SLC9A9: variants seen among roughly 807,000 people sequenced by gnomAD.
SLC9A9 encodes sodium/hydrogen exchanger 9.
A neutral mutation model predicts 77.8 loss-of-function variants in SLC9A9; 62 were observed. That is an observed-to-expected ratio of 0.80 (90% CI 0.65 to 0.98). SLC9A9 has a LOEUF of 0.98. Among genes scored for constraint, SLC9A9 ranks in the 50% least tolerant of loss-of-function variants. The pLI is 0.00. For synonymous variants in SLC9A9, 320 were observed against 283.5 expected (o/e 1.13, Z -1.29); for missense variants, 775 against 774.9 (o/e 1.00, Z 0.00).
At chr3:143,395,656 C>T (rs954108717) in intron 12 of SLC9A9, among the ~76,000 whole-genome samples, 12 of 152,158 alleles carry the variant, frequency 7.9e-5, no homozygotes, top group African/African-American at 2.9e-4. Context: ...TCAGAGTGAA[C>T]AGGCAACCTA....
At chr3:143,799,856 A>G (rs2008500942) in intron 2 of SLC9A9, among the ~76,000 whole-genome samples, 1 of 152,094 alleles carries the variant, frequency 6.6e-6, no homozygotes, top group Non-Finnish European at 1.5e-5. Context: ...ACCATTTTTA[A>G]TCAATACAGA....
At chr3:143,789,819 C>T (rs912330203) in intron 4 of SLC9A9, among the ~76,000 whole-genome samples, 1 of 152,106 alleles carries the variant, frequency 6.6e-6, no homozygotes, top group African/African-American at 2.4e-5. Context: ...CAGTCCTATG[C>T]TGTGTATATT....
chr3:143,740,491 G>A (rs1287736986), intron 4 of SLC9A9, among the ~76,000 whole-genome samples: 2 of 152,076 alleles, frequency 1.3e-5, no homozygotes, highest in Admixed American at 6.6e-5. Context: ...TAATGTTTTT[G>A]AAATCATAGT....
At position 143,693,326 on chromosome 3, in the gene SLC9A9, T is replaced by C. The variant is rs749502793; in HGVS notation, c.534-19A>G. 4 of 1,578,750 alleles carry C rather than the reference T, an allele frequency of 2.5e-6. No individual in the cohort carries two copies. Among genetic ancestry groups the C allele is most frequent in the Non-Finnish European group, 3.5e-6 (4 of 1,148,314 alleles). On this transcript the variant is annotated intron_variant, in intron 4 of 15. Coordinates refer to ENST00000316549, the MANE Select transcript of SLC9A9 (RefSeq NM_173653.4). ...AATTAACCTGTTGAAGAGAAAAACATGACCTTCAAACATCAAGATGAACCC... is the reference window on the plus strand; with the variant it reads ...AATTAACCTGTTGAAGAGAAAAACACGACCTTCAAACATCAAGATGAACCC...
At chr3:143,757,635 C>A in intron 4 of SLC9A9, among the ~76,000 whole-genome samples, 1 of 152,138 alleles carries the variant, frequency 6.6e-6, no homozygotes, top group East Asian at 1.9e-4. Context: ...AATGTCGCCT[C>A]TTCCAACATC....
intron 4 of SLC9A9, among the ~76,000 whole-genome samples, chr3:143,773,094 C>T (rs192291086): frequency 5.3e-5 from 8 of 152,286 alleles, no homozygotes; most frequent in East Asian, 3.9e-4. Flanking sequence ...TTACTGGTCC[C>T]ATTAGATCAA....
chr3:143,686,099 G>A (rs967488864), intron 5 of SLC9A9, among the ~76,000 whole-genome samples: 3 of 152,128 alleles, frequency 2.0e-5, no homozygotes, highest in African/African-American at 4.8e-5. Flanking sequence ...CACCTCATCC[G>A]CGAGGGTGAC....
At chr3:143,775,319 G>A (rs1185234103) in intron 4 of SLC9A9, among the ~76,000 whole-genome samples, 1 of 152,150 alleles carries the variant, frequency 6.6e-6, no homozygotes, top group Non-Finnish European at 1.5e-5. Context: ...TGGGACACTG[G>A]AGAACTGAAT....
intron 4 of SLC9A9, among the ~76,000 whole-genome samples, chr3:143,715,119 C>CT (rs946661345): frequency 5.9e-5 from 9 of 152,116 alleles, no homozygotes; most frequent in Non-Finnish European, 8.8e-5. Flanking sequence ...CATTAAACCT[C>CT]TTTCTTTTTT....
intron 8 of SLC9A9, among the ~76,000 whole-genome samples, chr3:143,560,430 CT>C (rs990836738): frequency 1.3e-5 from 2 of 151,512 alleles, no homozygotes; most frequent in Non-Finnish European, 2.9e-5. Context: ...TTTTGTTACC[CT>C]TTTTTTTGGC....
At chr3:143,505,636 C>T (rs1364569604) in intron 9 of SLC9A9, among the ~76,000 whole-genome samples, 1 of 152,134 alleles carries the variant, frequency 6.6e-6, no homozygotes, top group Non-Finnish European at 1.5e-5. Flanking sequence ...TCTCCTGTCT[C>T]GTATATTTCA....
chr3:143,400,558 G>A (rs1028719544), intron 12 of SLC9A9, among the ~76,000 whole-genome samples: 1 of 151,920 alleles, frequency 6.6e-6, no homozygotes, highest in Admixed American at 6.6e-5. Context: ...GTGGGTGAGG[G>A]ATAAAGACTC....
At chr3:143,273,582 C>T (rs1028310693) in intron 14 of SLC9A9, among the ~76,000 whole-genome samples, 1 of 152,170 alleles carries the variant, frequency 6.6e-6, no homozygotes, top group Non-Finnish European at 1.5e-5. Context: ...TTAAACCACC[C>T]AAGCTATGGT....
At chr3:143,616,504 A>G (rs925309930) in intron 6 of SLC9A9, among the ~76,000 whole-genome samples, 4 of 152,166 alleles carry the variant, frequency 2.6e-5, no homozygotes, top group African/African-American at 7.2e-5. Context: ...TCACTGGATT[A>G]TGGCATTAAA....
At chr3:143,388,172 T>C (rs1559893501) in intron 12 of SLC9A9, among the ~76,000 whole-genome samples, 1 of 152,174 alleles carries the variant, frequency 6.6e-6, no homozygotes, top group Non-Finnish European at 1.5e-5. Flanking sequence ...TTGGGGACTA[T>C]TGTGTAGCCA....
intron 5 of SLC9A9, among the ~76,000 whole-genome samples, chr3:143,674,565 T>C (rs1489415221): frequency 2.0e-5 from 3 of 152,032 alleles, no homozygotes; most frequent in Admixed American, 1.3e-4. Context: ...CTAGCCGTGA[T>C]TTTAGGTAGT....
intron 11 of SLC9A9, among the ~76,000 whole-genome samples, chr3:143,467,583 A>T (rs1333555418): frequency 6.6e-6 from 1 of 151,586 alleles, no homozygotes; most frequent in Admixed American, 6.6e-5. Context: ...GTCTCTACAG[A>T]TTTTTTTTTA....
intron 6 of SLC9A9, among the ~76,000 whole-genome samples, chr3:143,643,108 G>A (rs1435094490): frequency 1.3e-5 from 2 of 151,980 alleles, no homozygotes; most frequent in Non-Finnish European, 2.9e-5. Flanking sequence ...TTTATTGTGA[G>A]CTCATTTTCA....
At chr3:143,408,120 G>T (rs560635300) in intron 12 of SLC9A9, among the ~76,000 whole-genome samples, 1 of 152,200 alleles carries the variant, frequency 6.6e-6, no homozygotes, top group East Asian at 1.9e-4. Flanking sequence ...CTATCAGATC[G>T]GGGCCCAATG....
Sources: gnomAD v4.1 joint callset for allele counts (sites outside exome capture counted in the v4.1 genomes callset) on GRCh38, gnomAD v4.1.1 for gene constraint, MANE v1.5 for transcripts, NCBI Gene and HGNC (gene_info 2026-07-23, HGNC 2026-07-21) for gene names.